Variants in KLF8 observed in about 807,000 individuals in gnomAD.
KLF8 encodes Krueppel-like factor 8.
KLF8 carries 10 observed loss-of-function variants against 18.2 expected under a neutral mutation model. The observed-to-expected ratio is 0.55, with a 90% CI of 0.34 to 0.93. The LOEUF is 0.93. Ranked by LOEUF, KLF8 falls within the 40% of genes least tolerant of loss-of-function variation. KLF8 has a pLI of 0.02. For missense variants in KLF8, 264 were observed against 277.9 expected, an observed-to-expected ratio of 0.95 and a Z score of 0.36; for synonymous variants, 109 against 97.3, an observed-to-expected ratio of 1.12 and a Z score of -0.71.
At chrX:56,056,804 A>G in the KLF8 span, among the ~76,000 whole-genome samples, 1 of 106,237 alleles carries the variant, frequency 9.4e-6, no homozygotes. Context: ...TATATATAAA[A>G]AAAAAAGAAG....
At chrX:55,994,479 T>C in the KLF8 span, among the ~76,000 whole-genome samples, 1 of 109,773 alleles carries the variant, frequency 9.1e-6, no homozygotes, top group Non-Finnish European at 1.9e-5. Context: ...TTGGGGTTGA[T>C]TTGGTCTTAT....
the KLF8 span, among the ~76,000 whole-genome samples, chrX:56,179,285 C>T: frequency 3.6e-5 from 4 of 111,642 alleles, no homozygotes; most frequent in Admixed American, 1.9e-4. Flanking sequence ...TGATTTAGCT[C>T]TCTGTTTGTC....
At chrX:55,956,258 A>G in the KLF8 span, among the ~76,000 whole-genome samples, 2 of 109,771 alleles carry the variant, frequency 1.8e-5, no homozygotes, top group African/African-American at 6.7e-5. Context: ...TCTCTGGATA[A>G]CCTTCACTAA....
the KLF8 span, among the ~76,000 whole-genome samples, chrX:56,034,489 TG>T: frequency 1.8e-5 from 2 of 111,373 alleles, no homozygotes; most frequent in African/African-American, 6.5e-5. Context: ...CTTGGCTATT[TG>T]GGTTTTTAAA....
At chrX:56,180,121 T>G in the KLF8 span, among the ~76,000 whole-genome samples, 1 of 111,672 alleles carries the variant, frequency 9.0e-6, no homozygotes, top group Non-Finnish European at 1.9e-5. Flanking sequence ...CGTCTGATCC[T>G]GGACTTTTTT....
chrX:56,179,034 G>T, the KLF8 span, among the ~76,000 whole-genome samples: 1 of 112,044 alleles, frequency 8.9e-6, no homozygotes, highest in Admixed American at 9.5e-5. Context: ...GTCCTTGGTA[G>T]CTTGATGGGG....
intron 5 of KLF8, among the ~76,000 whole-genome samples, chrX:56,278,686 C>G (rs893964527): frequency 9.0e-6 from 1 of 111,096 alleles, no homozygotes; most frequent in Non-Finnish European, 1.9e-5. Context: ...ATATGCTCCC[C>G]GCAAGTCCAC....
chrX:55,932,105 C>T, the KLF8 span, among the ~76,000 whole-genome samples: 34 of 110,413 alleles, frequency 3.1e-4, 1 homozygote, highest in East Asian at 9.4e-3. Flanking sequence ...TGCATTGATC[C>T]CTTTACCATT....
chrX:56,082,509 CTT>C, the KLF8 span, among the ~76,000 whole-genome samples: 2 of 99,702 alleles, frequency 2.0e-5, no homozygotes, highest in East Asian at 3.1e-4. Context: ...TGGATTTAGT[CTT>C]TTTTTTTTTT....
chrX:56,143,931 A>T, the KLF8 span, among the ~76,000 whole-genome samples: 2 of 112,181 alleles, frequency 1.8e-5, no homozygotes, highest in Admixed American at 1.9e-4. Flanking sequence ...CAAGTTCTAT[A>T]GTTGGAAACA....
the KLF8 span, among the ~76,000 whole-genome samples, chrX:55,953,278 T>C: frequency 9.0e-6 from 1 of 111,171 alleles, no homozygotes; most frequent in African/African-American, 3.3e-5. Flanking sequence ...GGTACAGGGA[T>C]ACAAAATGAC....
chrX:56,205,084 G>T, the KLF8 span, among the ~76,000 whole-genome samples: 1 of 110,852 alleles, frequency 9.0e-6, no homozygotes, highest in African/African-American at 3.3e-5. Flanking sequence ...AATAAAATTT[G>T]GAGACTAGAC....
At chrX:56,055,297 C>G in the KLF8 span, among the ~76,000 whole-genome samples, 1 of 111,737 alleles carries the variant, frequency 8.9e-6, no homozygotes, top group Non-Finnish European at 1.9e-5. Context: ...TTAGCATTTG[C>G]TTGTCTGAAA....
chrX:56,178,556 C>T, the KLF8 span, among the ~76,000 whole-genome samples: 1 of 112,305 alleles, frequency 8.9e-6, no homozygotes, highest in Non-Finnish European at 1.9e-5. Flanking sequence ...GAAGTCCTTG[C>T]CCATGCCTAT....
the KLF8 span, among the ~76,000 whole-genome samples, chrX:56,100,193 T>G: frequency 9.0e-6 from 1 of 111,096 alleles, no homozygotes; most frequent in African/African-American, 3.3e-5. Flanking sequence ...TCTACTCTGC[T>G]TGTGCCCTAT....
At chrX:55,941,654 G>A in the KLF8 span, among the ~76,000 whole-genome samples, 3 of 111,448 alleles carry the variant, frequency 2.7e-5, no homozygotes, top group Non-Finnish European at 5.6e-5. Context: ...AATCTATAAT[G>A]AACTCAAACA....
At chrX:56,086,194 G>A in the KLF8 span, among the ~76,000 whole-genome samples, 1 of 111,887 alleles carries the variant, frequency 8.9e-6, no homozygotes, top group East Asian at 2.8e-4. Context: ...AGAAATTGTC[G>A]GGAAGCAGAA....
chrX:56,158,819 A>T, the KLF8 span, among the ~76,000 whole-genome samples: 76 of 111,953 alleles, frequency 6.8e-4, no homozygotes, highest in African/African-American at 2.2e-3. Context: ...ATATACAATC[A>T]TGTCAACTGC....
chrX:56,051,446 T>C, the KLF8 span, among the ~76,000 whole-genome samples: 1 of 110,913 alleles, frequency 9.0e-6, no homozygotes, highest in Non-Finnish European at 1.9e-5. Flanking sequence ...CTTCAGGAGC[T>C]CTTGTAAGGC....
Sources: gnomAD v4.1 joint callset for allele counts (sites outside exome capture counted in the v4.1 genomes callset) on GRCh38, gnomAD v4.1.1 for gene constraint, MANE v1.5 for transcripts, NCBI Gene and HGNC (gene_info 2026-07-23, HGNC 2026-07-21) for gene names.